EGFLAM: variants seen among roughly 807,000 people sequenced by gnomAD.
EGFLAM encodes EGF like, fibronectin type III and laminin G domains.
A neutral mutation model predicts 113.1 loss-of-function variants in EGFLAM; 79 were observed. The ratio of observed to expected loss-of-function variants is 0.70; its 90% CI spans 0.58 to 0.84. EGFLAM has a LOEUF of 0.84. Ranked by LOEUF, EGFLAM falls within the 40% of genes least tolerant of loss-of-function variation. The pLI is 0.00. For synonymous variants in EGFLAM, 504 were observed against 487.6 expected, an observed-to-expected ratio of 1.03 and a Z score of -0.44; for missense variants, 1,265 against 1,291.6, an observed-to-expected ratio of 0.98 and a Z score of 0.32.
At chr5:38,275,024 ATC>A (rs1011894758) in intron 1 of EGFLAM, among the ~76,000 whole-genome samples, 1 of 152,194 alleles carries the variant, frequency 6.6e-6, no homozygotes, top group Non-Finnish European at 1.5e-5. Context: ...GCTTAAAATA[ATC>A]TGTTATAACT....
intron 15 of EGFLAM, among the ~76,000 whole-genome samples, chr5:38,431,725 G>A (rs549230479): frequency 6.6e-6 from 1 of 152,290 alleles, no homozygotes; most frequent in South Asian, 2.1e-4. Context: ...TACCAGTGGT[G>A]TGAGCTCATA....
rs1450878250 is a variant in EGFLAM at position 38,458,374 on chromosome 5, G to A, written c.2751G>A (p.Trp917Ter). Residue 917 changes from tryptophan to a stop codon, truncating the protein, a stop_gained, in exon 20 of 22, where the codon TGG becomes TGA. Coordinates refer to ENST00000322350, the MANE Select transcript of EGFLAM (RefSeq NM_152403.4). LOFTEE classifies it high-confidence loss of function. ...ATGGCTCCTTCAACGATGGTCGGTG[G>A]CACCGAGTTAAGGCCGTTAGGTGAG... ...MVNGSFNDGR[W>*]HRVKAVRDGQ... 2.5e-6 allele frequency: 4 copies of A among 1,613,886 alleles called. No homozygotes were observed. The highest frequency in any genetic ancestry group is 3.4e-6 in the Non-Finnish European group (4 of 1,179,960).
rs373407089 is a variant in EGFLAM, at chr5:38,308,270, C to T, written c.98-29250C>T. On this transcript the variant is annotated intron_variant, in intron 1 of 21. Transcript: ENST00000322350. The stretch of plus-strand genomic sequence containing the variant: ...AGGCCTACTCTTGTCCCTTTTGTTA[C>T]CTCCTTCACAGGGCTGTGGGGCCCT... Among the ~76,000 whole-genome samples the T allele has an allele frequency of 1.5e-3, 221 of 152,358 alleles. 5 individuals carry two copies. The South Asian group carries it at 0.043, about 30-fold the overall frequency.
At chr5:38,418,782 G>A (rs1741737101) in intron 12 of EGFLAM, among the ~76,000 whole-genome samples, 1 of 152,154 alleles carries the variant, frequency 6.6e-6, no homozygotes, top group South Asian at 2.1e-4. Flanking sequence ...GAGGAAACTG[G>A]GGCTTGCAGA....
At chr5:38,268,241 T>G (rs927612890) in intron 1 of EGFLAM, among the ~76,000 whole-genome samples, 1 of 152,142 alleles carries the variant, frequency 6.6e-6, no homozygotes, top group Non-Finnish European at 1.5e-5. Flanking sequence ...TTGGACTTAG[T>G]CTAAGTCCAA....
Position 38,267,853 on chromosome 5 carries a change from G to A in EGFLAM, c.97+9002G>A, listed in dbSNP as rs139898426. On this transcript the variant is annotated intron_variant, in intron 1 of 21. Coordinates refer to ENST00000322350, the MANE Select transcript of EGFLAM (RefSeq NM_152403.4). ...TAGAATGATGTTATCAGATATTCAC[G>A]CTAGAGGGTTCATTAATTAGCATAA... is the stretch of plus-strand genomic sequence containing the variant. Among the ~76,000 whole-genome samples, 17 of 152,286 alleles carry A rather than the reference G, an allele frequency of 1.1e-4. No homozygotes were observed. The East Asian group carries it at 2.3e-3, about 21-fold the overall frequency.
At chr5:38,429,278 A>T (rs867702812) in intron 14 of EGFLAM, among the ~76,000 whole-genome samples, 1 of 152,260 alleles carries the variant, frequency 6.6e-6, no homozygotes, top group Non-Finnish European at 1.5e-5. Flanking sequence ...TCTGTTATGG[A>T]GATAGACCAC....
intron 1 of EGFLAM, among the ~76,000 whole-genome samples, chr5:38,317,137 A>C (rs1223826870): frequency 6.6e-6 from 1 of 152,180 alleles, no homozygotes; most frequent in African/African-American, 2.4e-5. Flanking sequence ...CATGTCAAAA[A>C]AATATCTGTT....
rs780884550 is a variant in EGFLAM at position 38,425,052 on chromosome 5, C to A, written c.1770C>A (p.Cys590Ter). The change falls in exon 13 of 22, where the codon TGC (cysteine) becomes TGA (stop). Residue 590 changes from cysteine to a stop codon, truncating the protein, a stop_gained. Coordinates refer to ENST00000322350, the MANE Select transcript of EGFLAM (RefSeq NM_152403.4). LOFTEE classifies it high-confidence loss of function. ...CTAIKADSYI[C>*]LCPLGFKGRH... ...CAATCAAAGCCGACTCCTACATTTG[C>A]CTCTGTCCCCTTGGGTTTAAAGGTC... 1 of 1,614,072 alleles carries A rather than the reference C, an allele frequency of 6.2e-7. No homozygotes were observed. Among genetic ancestry groups the A allele is most frequent in the South Asian group, 1.1e-5 (1 of 91,078 alleles).
At chr5:38,328,723 G>GTTTTTTTTTTTTTTTTTTTTTATTT (rs3077265) in intron 1 of EGFLAM, among the ~76,000 whole-genome samples, 1 of 103,026 alleles carries the variant, frequency 9.7e-6, no homozygotes, top group Non-Finnish European at 1.9e-5. Context: ...AGCTATACTT[G>GTTTTTTTTTTTTTTTTTTTTTATTT]TTTTTTTTTT....
chr5:38,258,565 G>T lies in EGFLAM; in HGVS notation c.-190G>T, dbSNP rs1023540284. 4 of 617,070 alleles carry T rather than the reference G, an allele frequency of 6.5e-6. No homozygotes were observed. Among genetic ancestry groups the T allele is most frequent in the Non-Finnish European group, 5.7e-6 (2 of 352,686 alleles). 38.2% of individuals were successfully genotyped at this position (617,070 alleles called of 1,614,324 possible). On this transcript the variant is annotated 5_prime_UTR_variant, in exon 1 of 22. Coordinates refer to ENST00000322350, the MANE Select transcript of EGFLAM (RefSeq NM_152403.4). ...GCAGCTTGCAGCCGGCTTCACTCGC[G>T]CACGCCGACCTCCCGGCTGCAGTCC... is the stretch of plus-strand genomic sequence containing the variant.
intron 21 of EGFLAM, 87 bp downstream of exon 21, chr5:38,463,098 T>C (rs1195239885): frequency 1.5e-6 from 2 of 1,312,512 alleles, no homozygotes; most frequent in Non-Finnish European, 2.1e-6. Flanking sequence ...CTATGTACTT[T>C]GCTGGATCAA....
chr5:38,356,233 G>T (rs867950851), intron 5 of EGFLAM, among the ~76,000 whole-genome samples: 2 of 152,168 alleles, frequency 1.3e-5, no homozygotes, highest in African/African-American at 2.4e-5. Flanking sequence ...CCAGTCACTT[G>T]TTACATCCCC....
At chr5:38,401,197 A>G (rs1310590955) in intron 6 of EGFLAM, 1 of 152,174 alleles carries the variant, frequency 6.6e-6, no homozygotes, top group African/African-American at 2.4e-5. Flanking sequence ...TTCTCTGAGG[A>G]GTTCCCTTCA....
At chr5:38,378,220 T>C (rs1340148725) in intron 6 of EGFLAM, among the ~76,000 whole-genome samples, 1 of 152,114 alleles carries the variant, frequency 6.6e-6, no homozygotes, top group African/African-American at 2.4e-5. Context: ...TCTCTACACC[T>C]TCCTGCTTGC....
chr5:38,311,448 T>C (rs1204785515), intron 1 of EGFLAM, among the ~76,000 whole-genome samples: 1 of 152,208 alleles, frequency 6.6e-6, no homozygotes, highest in Non-Finnish European at 1.5e-5. Flanking sequence ...GCGATCTTTG[T>C]CCTTCTGTGC....
At chr5:38,415,123 A>C (rs1741600375) in intron 11 of EGFLAM, among the ~76,000 whole-genome samples, 1 of 151,996 alleles carries the variant, frequency 6.6e-6, no homozygotes, top group Non-Finnish European at 1.5e-5. Context: ...TTACTTTGGG[A>C]GGCTGAGGTG....
At chr5:38,369,753 C>T (rs1041607158) in intron 5 of EGFLAM, among the ~76,000 whole-genome samples, 6 of 152,158 alleles carry the variant, frequency 3.9e-5, no homozygotes, top group African/African-American at 1.4e-4. Flanking sequence ...CTGAAGGGCC[C>T]TCCAAAGGAC....
chr5:38,417,347 C>CAAAAAAAAAAA (rs752613827), intron 11 of EGFLAM, among the ~76,000 whole-genome samples: 8 of 78,472 alleles, frequency 1.0e-4, no homozygotes, highest in East Asian at 4.8e-4. Context: ...GACTCTGTCT[C>CAAAAAAAAAAA]AAAAAAAAAA....
Sources: gnomAD v4.1 joint callset for allele counts (sites outside exome capture counted in the v4.1 genomes callset) on GRCh38, gnomAD v4.1.1 for gene constraint, MANE v1.5 for transcripts, NCBI Gene and HGNC (gene_info 2026-07-23, HGNC 2026-07-21) for gene names.